DTX2: variants seen among roughly 807,000 people sequenced by gnomAD.
The protein encoded by DTX2 is probable E3 ubiquitin-protein ligase DTX2.
A neutral mutation model predicts 55.3 loss-of-function variants in DTX2; 29 were observed. The observed-to-expected ratio is 0.52, with a 90% confidence interval of 0.39 to 0.71. The LOEUF (loss-of-function observed/expected upper bound fraction) is 0.71. DTX2 is among the 30% of genes least tolerant of loss of function. The pLI, the probability that DTX2 is intolerant of heterozygous loss-of-function variation, is 0.00. For missense variants in DTX2, 537 were observed against 822.5 expected, an observed-to-expected ratio of 0.65 and a Z score of 4.25; for synonymous variants, 276 against 340.4, an observed-to-expected ratio of 0.81 and a Z score of 2.08.
At chr7:76,474,182 TTTTTCTTTTTC>T (rs1333854658) in intron 2 of DTX2, among the ~76,000 whole-genome samples, 6 of 73,036 alleles carry the variant, frequency 8.2e-5, no homozygotes. Context: ...CCTACTTTTT[TTTTTCTTTTTC>T]TTTTTCTTTT....
intron 7 of DTX2, 128 bp from the exon 8 acceptor site, chr7:76,502,170 C>G: frequency 1.2e-6 from 1 of 866,840 alleles, no homozygotes; most frequent in Non-Finnish European, 1.8e-6. Context: ...AGCCACTGCG[C>G]CTGGCCTCGG....
In DTX2 at chr7:76,505,480, A is replaced by G; in HGVS notation, c.1748A>G (p.His583Arg). Residue 583 changes from histidine to arginine, a missense_variant, in exon 11 of 11, where the codon CAC becomes CGC. Coordinates refer to ENST00000430490, the MANE Select transcript of DTX2 (RefSeq NM_001102594.3). The surrounding 1 kb of genome is among the most constrained non-coding windows in gnomAD (Gnocchi z 4.4). ...ACCGTGGTATGGAACGAGATCCACC[A>G]CAAGACAGAGATGGACCGCAACATT... Reference protein sequence around the residue: ...TDTVVWNEIHHKTEMDRNITG... With the variant: ...TDTVVWNEIHRKTEMDRNITG... 1 of 1,609,652 alleles carries G rather than the reference A, an allele frequency of 6.2e-7. No homozygotes were observed. The highest frequency in any genetic ancestry group is 8.5e-7 in the Non-Finnish European group (1 of 1,178,194).
intron 2 of DTX2, among the ~76,000 whole-genome samples, chr7:76,480,037 G>A (rs1392442390): frequency 7.5e-5 from 9 of 120,292 alleles, no homozygotes; most frequent in African/African-American, 2.5e-4. Flanking sequence ...GACCAGGCGC[G>A]GTGGCTCACA....
intron 2 of DTX2, chr7:76,475,072 C>G (rs1215593038): frequency 1.3e-5 from 2 of 149,140 alleles, no homozygotes; most frequent in African/African-American, 4.9e-5. Context: ...TTTGGAAGGC[C>G]AAGGCAGGTA....
chr7:76,479,648 G>T (rs1159941962), intron 2 of DTX2, among the ~76,000 whole-genome samples: 1 of 147,720 alleles, frequency 6.8e-6, no homozygotes, highest in African/African-American at 2.5e-5. Flanking sequence ...GGGCGCAGTG[G>T]TGCATGCCTG....
At chr7:76,481,166 T>C (rs1429781992) in intron 3 of DTX2, among the ~76,000 whole-genome samples, 1 of 151,692 alleles carries the variant, frequency 6.6e-6, no homozygotes, top group Non-Finnish European at 1.5e-5. Context: ...GTTTCTGCTT[T>C]TTGGTCTGCG....
chr7:76,463,395 T>C, intron 1 of DTX2, 150 bp from the exon 2 acceptor site: 1 of 152,348 alleles, frequency 6.6e-6, no homozygotes, highest in Non-Finnish European at 1.5e-5. Flanking sequence ...AAGACTGTTG[T>C]ACCTCCTGCT....
rs766248708 is a variant in DTX2 at position 76,482,630 on chromosome 7, T to G, written c.391T>G (p.Tyr131Asp). ...WTAYEASVCD[Y>D]LEQQVARGNQ... ...TGCCTATGAAGCCAGCGTCTGTGAC[T>G]ATCTGGAGCAGCAGGTGGCCAGGGG... Residue 131 changes from tyrosine (Y) to aspartate (D), a missense_variant, in exon 4 of 11, where the codon TAT (tyrosine) becomes GAT (aspartate). Physicochemically the swap from Tyr to Asp is radical, Grantham distance 160. This residue lies in a region of DTX2 where 301 missense variants were observed against 396.6 expected (regional missense o/e 0.76). Coordinates refer to ENST00000430490, the MANE Select transcript of DTX2 (RefSeq NM_001102594.3). 35 of 1,613,614 alleles carry G rather than the reference T, an allele frequency of 2.2e-5. No individual in the cohort carries two copies. The highest frequency in any genetic ancestry group is 2.7e-5 in the Non-Finnish European group (32 of 1,179,812).
At chr7:76,479,925 G>C (rs1293868544) in intron 2 of DTX2, among the ~76,000 whole-genome samples, 1 of 150,640 alleles carries the variant, frequency 6.6e-6, no homozygotes, top group Non-Finnish European at 1.5e-5. Flanking sequence ...GTAGGCTGCG[G>C]GATTGACTTT....
At chr7:76,471,740 T>G (rs558217094) in intron 2 of DTX2, among the ~76,000 whole-genome samples, 2 of 150,872 alleles carry the variant, frequency 1.3e-5, no homozygotes, top group East Asian at 3.9e-4. Context: ...CCCCTATTAC[T>G]CCCCTACTTT....
At chr7:76,479,892 T>C (rs1371949966) in intron 2 of DTX2, among the ~76,000 whole-genome samples, 1 of 150,830 alleles carries the variant, frequency 6.6e-6, no homozygotes, top group East Asian at 2.0e-4. Flanking sequence ...GCTCTCTTTC[T>C]TCATGGGCCT....
chr7:76,502,584 T>C, intron 8 of DTX2, 128 bp downstream of exon 8: 1 of 1,084,230 alleles, frequency 9.2e-7, no homozygotes, highest in Non-Finnish European at 1.3e-6. Context: ...GTGCTGGGCG[T>C]GGGGCCAGCT....
At chr7:76,464,845 G>T (rs1287167838) in intron 2 of DTX2, among the ~76,000 whole-genome samples, 2 of 151,174 alleles carry the variant, frequency 1.3e-5, no homozygotes, top group African/African-American at 4.9e-5. Flanking sequence ...GTTGCTTATA[G>T]TCTAGTTGAA....
At chr7:76,473,911 G>A (rs1475777487) in intron 2 of DTX2, among the ~76,000 whole-genome samples, 2 of 125,230 alleles carry the variant, frequency 1.6e-5, no homozygotes, top group Non-Finnish European at 3.4e-5. Flanking sequence ...CCACATTTCT[G>A]TGTTTCACTT....
At chr7:76,481,450 G>A (rs1809200153) in intron 3 of DTX2, among the ~76,000 whole-genome samples, 1 of 152,160 alleles carries the variant, frequency 6.6e-6, no homozygotes, top group Non-Finnish European at 1.5e-5. Flanking sequence ...GCCTCCCAAA[G>A]TGCTGGGATT....
intron 2 of DTX2, among the ~76,000 whole-genome samples, chr7:76,465,250 C>G (rs1206609787): frequency 1.4e-5 from 2 of 145,588 alleles, no homozygotes; most frequent in African/African-American, 2.7e-5. Context: ...GGGGTGGGGA[C>G]AGACACGCTG....
chr7:76,480,404 G>A lies in DTX2; in HGVS notation c.-89-17G>A. 1 of 1,283,596 alleles carries A rather than the reference G, an allele frequency of 7.8e-7. No individual in the cohort carries two copies. Among genetic ancestry groups the A allele is most frequent in the Non-Finnish European group, 1.1e-6 (1 of 944,472 alleles). The allele number at this position is 1,283,596 out of a possible 1,614,324, so 79.5% of individuals were successfully genotyped here. A position where few individuals can be genotyped will look rare whatever the true frequency, so the allele number is the denominator to read the frequency against. ...CTGATGTGCATTGGTAACTGCTCAT[G>A]TCTGTCCTGTTCACAGATCTGCCGG... On this transcript the variant is annotated splice_polypyrimidine_tract_variant and intron_variant, in intron 2 of 10. Coordinates refer to ENST00000430490, the MANE Select transcript of DTX2 (RefSeq NM_001102594.3).
intron 2 of DTX2, among the ~76,000 whole-genome samples, chr7:76,475,759 C>T (rs1353706338): frequency 6.9e-6 from 1 of 144,842 alleles, no homozygotes; most frequent in Non-Finnish European, 1.5e-5. Context: ...TCTTTCCAGA[C>T]TTTTAATTTT....
At chr7:76,501,433 A>G (rs916099458) in intron 7 of DTX2, 7 of 348,430 alleles carry the variant, frequency 2.0e-5, no homozygotes, top group Admixed American at 1.2e-4. Context: ...GGGCCGTTTC[A>G]CCCCAGGCTC....
Sources: gnomAD v4.1 joint callset for allele counts (sites outside exome capture counted in the v4.1 genomes callset) on GRCh38, gnomAD v4.1.1 for gene constraint, gnomAD v4.1.1 regional missense constraint, Gnocchi (gnomAD v3.1) non-coding constraint, MANE v1.5 for transcripts, NCBI Gene and HGNC (gene_info 2026-07-23, HGNC 2026-07-21) for gene names.